Variants in DUSP16 observed in about 807,000 individuals in gnomAD.
DUSP16 encodes dual specificity protein phosphatase 16.
In DUSP16, 21 loss-of-function variants were observed where a neutral mutation model predicts 58.3. That is an observed-to-expected ratio of 0.36 (90% CI 0.26 to 0.52). The LOEUF (loss-of-function observed/expected upper bound fraction) is 0.52, where lower values mean the gene tolerates loss of function less well. Among genes scored for constraint, DUSP16 ranks in the 20% least tolerant of loss-of-function variants. The pLI is 0.94. For missense variants in DUSP16, 726 were observed against 819.0 expected, an observed-to-expected ratio of 0.89 and a Z score of 1.39; for synonymous variants, 320 against 323.8, an observed-to-expected ratio of 0.99 and a Z score of 0.12.
rs948781453 is a variant in DUSP16, at chr12:12,562,561, C to CGGGGG, written c.-815_-811dup. Among the ~76,000 whole-genome samples the CGGGGG allele has an allele frequency of 7.8e-4, 1 of 1,274 alleles. No homozygotes were observed. Among genetic ancestry groups the CGGGGG allele is most frequent in the African/African-American group, 3.4e-3 (1 of 296 alleles). 0.8% of individuals were successfully genotyped at this position (1,274 alleles called of 152,430 possible). ...TGATACATAGAAAGAGGGGGAAAGG[C>CGGGGG]GGGGGGGTGGGGTGGGGGGTTGGGG... On this transcript the variant is annotated 5_prime_UTR_variant, in exon 1 of 7. Coordinates refer to ENST00000298573, the MANE Select transcript of DUSP16 (RefSeq NM_030640.3).
intron 1 of DUSP16, among the ~76,000 whole-genome samples, chr12:12,547,248 G>T (rs1299620140): frequency 6.6e-6 from 1 of 151,868 alleles, no homozygotes; most frequent in African/African-American, 2.4e-5. Flanking sequence ...GGCCAACATG[G>T]CAAAACCCCG....
intron 1 of DUSP16, among the ~76,000 whole-genome samples, chr12:12,541,406 G>C (rs919793030): frequency 3.3e-5 from 5 of 152,268 alleles, no homozygotes; most frequent in South Asian, 2.1e-4. Flanking sequence ...CCTTGACAAG[G>C]TTACACTGAC....
At chr12:12,489,654 T>C (rs945836041) in intron 4 of DUSP16, among the ~76,000 whole-genome samples, 91 of 150,428 alleles carry the variant, frequency 6.0e-4, no homozygotes, top group African/African-American at 2.2e-3. Context: ...TGTTACACAC[T>C]GTACACAATC....
intron 6 of DUSP16, among the ~76,000 whole-genome samples, chr12:12,479,572 A>G (rs916276204): frequency 4.6e-5 from 7 of 151,946 alleles, no homozygotes; most frequent in Non-Finnish European, 8.8e-5. Context: ...CAATTTGAGA[A>G]AAAAAAAATC....
intron 3 of DUSP16, among the ~76,000 whole-genome samples, chr12:12,515,579 C>T (rs1195262262): frequency 1.3e-5 from 2 of 151,970 alleles, no homozygotes; most frequent in Non-Finnish European, 1.5e-5. Flanking sequence ...CCGCCCGCCT[C>T]GGCCTCCCAA....
At chr12:12,544,730 C>G (rs1944615223) in intron 1 of DUSP16, among the ~76,000 whole-genome samples, 1 of 152,192 alleles carries the variant, frequency 6.6e-6, no homozygotes, top group African/African-American at 2.4e-5. Flanking sequence ...TGGCTGAACA[C>G]TGCTAGAAGC....
chr12:12,529,436 T>G (rs912252676), intron 1 of DUSP16, among the ~76,000 whole-genome samples: 2 of 152,174 alleles, frequency 1.3e-5, no homozygotes, highest in Non-Finnish European at 1.5e-5. Flanking sequence ...TGGATAAAAC[T>G]GTATGTATTT....
chr12:12,557,350 G>A (rs1028538769), intron 1 of DUSP16, among the ~76,000 whole-genome samples: 4 of 151,720 alleles, frequency 2.6e-5, no homozygotes, highest in Non-Finnish European at 4.4e-5. Context: ...CCAGCTACTC[G>A]GGAGGCTGAG....
chr12:12,559,823 A>T (rs1045155038), intron 1 of DUSP16, among the ~76,000 whole-genome samples: 1 of 152,170 alleles, frequency 6.6e-6, no homozygotes, highest in East Asian at 1.9e-4. Context: ...TCTGATCCCT[A>T]CCTAAACTCT....
intron 3 of DUSP16, among the ~76,000 whole-genome samples, chr12:12,505,304 C>T (rs1943976747): frequency 6.6e-6 from 1 of 152,152 alleles, no homozygotes; most frequent in Admixed American, 6.5e-5. Context: ...CCAGCTGTGA[C>T]CAGGCTAAAA....
chr12:12,533,970 A>T (rs921891224), intron 1 of DUSP16, among the ~76,000 whole-genome samples: 1 of 152,242 alleles, frequency 6.6e-6, no homozygotes, highest in South Asian at 2.1e-4. Context: ...ACTTATCATT[A>T]AGCAGTCATA....
At chr12:12,520,140 G>T in intron 2 of DUSP16, 140 bp from the exon 3 acceptor site, 2 of 904,054 alleles carry the variant, frequency 2.2e-6, no homozygotes, top group Non-Finnish European at 3.3e-6. Context: ...AAAATGAGAT[G>T]TAGTCAATTT....
At chr12:12,553,001 G>A (rs1234188168) in intron 1 of DUSP16, among the ~76,000 whole-genome samples, 3 of 151,924 alleles carry the variant, frequency 2.0e-5, no homozygotes, top group Non-Finnish European at 4.4e-5. Flanking sequence ...AGCTGGTCTC[G>A]AACTCCTGAC....
At chr12:12,502,396 A>G (rs1361420293) in intron 3 of DUSP16, among the ~76,000 whole-genome samples, 1 of 152,172 alleles carries the variant, frequency 6.6e-6, no homozygotes, top group Non-Finnish European at 1.5e-5. Context: ...GTCTTTCTAT[A>G]TATTTTTTAA....
intron 3 of DUSP16, among the ~76,000 whole-genome samples, chr12:12,507,607 CTTG>C (rs144403816): frequency 0.15 from 22,372 of 152,128 alleles, 2,211 homozygotes; most frequent in Middle Eastern, 0.27. Flanking sequence ...CGGTTAAATT[CTTG>C]TTGTTGTTGT....
At chr12:12,560,946 T>TCACACACCCACACCCACACCCACA (rs56190302) in intron 1 of DUSP16, 1 of 148,144 alleles carries the variant, frequency 6.8e-6, no homozygotes, top group South Asian at 2.2e-4. Context: ...ATGGTAAATT[T>TCACACACCCACACCCACACCCACA]CACACACACA....
intron 1 of DUSP16, among the ~76,000 whole-genome samples, chr12:12,526,273 A>G (rs1944306826): frequency 6.7e-6 from 1 of 148,426 alleles, no homozygotes; most frequent in African/African-American, 2.5e-5. Context: ...TTGTATAACA[A>G]CTTTCCCCCT....
At chr12:12,554,670 A>G (rs1944782755) in intron 1 of DUSP16, 1 of 148,042 alleles carries the variant, frequency 6.8e-6, no homozygotes, top group African/African-American at 2.6e-5. Context: ...CTGTAAGTAC[A>G]TCCATATGTA....
intron 3 of DUSP16, among the ~76,000 whole-genome samples, chr12:12,504,360 C>G (rs1943953807): frequency 1.3e-5 from 2 of 152,204 alleles, no homozygotes; most frequent in African/African-American, 4.8e-5. Context: ...CTCCCAGGCT[C>G]AAGTGATCCT....
Sources: gnomAD v4.1 joint callset for allele counts (sites outside exome capture counted in the v4.1 genomes callset) on GRCh38, gnomAD v4.1.1 for gene constraint, MANE v1.5 for transcripts, NCBI Gene and HGNC (gene_info 2026-07-23, HGNC 2026-07-21) for gene names.